The following MYH15 variants were observed in gnomAD, a reference collection of about 807,000 sequenced individuals.
MYH15 encodes the protein myosin heavy chain 15.
In MYH15, 227 loss-of-function variants were observed where a neutral mutation model predicts 240.5. That is an observed-to-expected ratio of 0.94 (90% CI 0.85 to 1.05). The LOEUF (loss-of-function observed/expected upper bound fraction) is 1.05. MYH15 is among the 50% of genes least tolerant of loss of function. The pLI is 0.00. For synonymous variants in MYH15, 785 were observed against 796.7 expected, an observed-to-expected ratio of 0.99 and a Z score of 0.25; for missense variants, 2,217 against 2,247.5, an observed-to-expected ratio of 0.99 and a Z score of 0.27.
intron 27 of MYH15, among the ~76,000 whole-genome samples, chr3:108,424,484 C>A (rs970768691): frequency 4.6e-5 from 7 of 152,030 alleles, no homozygotes; most frequent in African/African-American, 1.7e-4. Flanking sequence ...GTTTTGATAC[C>A]AGGGATGAGA....
chr3:108,466,502 A>C (rs1363446091), intron 14 of MYH15, among the ~76,000 whole-genome samples: 2 of 152,158 alleles, frequency 1.3e-5, no homozygotes, highest in African/African-American at 4.8e-5. Context: ...ACATCTGGGA[A>C]AAACCAGGAG....
At chr3:108,492,448 A>G (rs576579058) in intron 9 of MYH15, 52 bp downstream of exon 9, 2 of 1,336,616 alleles carry the variant, frequency 1.5e-6, no homozygotes, top group African/African-American at 1.5e-5. Flanking sequence ...CCCAAATATG[A>G]CTTATTTTTC....
At chr3:108,428,412 TTC>T in intron 27 of MYH15, 78 bp downstream of exon 27, 1 of 1,483,772 alleles carries the variant, frequency 6.7e-7, no homozygotes. Flanking sequence ...TGGCTTATTT[TTC>T]TTTTCCCTCC....
In MYH15 at chr3:108,444,812, A is replaced by T; in HGVS notation, c.2483T>A (p.Ile828Asn). The T allele has an allele frequency of 6.2e-7, 1 of 1,614,090 alleles. No individual in the cohort carries two copies. The highest frequency in any genetic ancestry group is 8.5e-7 in the Non-Finnish European group (1 of 1,179,978). ...TTCTGAAGATTTAACAAGAGGCTTG[A>T]TCTTGAAGAAGAGCCTCATCCAGGG... ...NWPWMRLFFK[I>N]KPLVKSSEVG... is the part of the protein sequence containing the mutation. The change falls in exon 22 of 41, where the codon ATC becomes AAC. Residue 828 changes from isoleucine to asparagine, a missense_variant. Coordinates refer to ENST00000693548, the MANE Select transcript of MYH15 (RefSeq NM_014981.3).
chr3:108,474,734 G>A (rs2083206083), intron 12 of MYH15, among the ~76,000 whole-genome samples: 1 of 152,162 alleles, frequency 6.6e-6, no homozygotes, highest in Non-Finnish European at 1.5e-5. Flanking sequence ...CATGCATGTT[G>A]TGGTGAATGT....
intron 9 of MYH15, among the ~76,000 whole-genome samples, chr3:108,490,450 C>A (rs2083337794): frequency 6.6e-6 from 1 of 152,230 alleles, no homozygotes; most frequent in South Asian, 2.1e-4. Flanking sequence ...AAATGCAATA[C>A]CTCGGAAATC....
intron 14 of MYH15, among the ~76,000 whole-genome samples, chr3:108,468,018 T>G (rs904420502): frequency 3.3e-5 from 5 of 151,714 alleles, no homozygotes; most frequent in African/African-American, 9.7e-5. Context: ...CAGGCTGGAG[T>G]GCAGTGGTGC....
At chr3:108,475,442 T>C (rs59819164) in intron 12 of MYH15, among the ~76,000 whole-genome samples, 13 of 152,310 alleles carry the variant, frequency 8.5e-5, no homozygotes, top group African/African-American at 3.1e-4. Context: ...AGCCCCTTTC[T>C]GTAGCTAAAG....
intron 3 of MYH15, 87 bp from the exon 4 acceptor site, chr3:108,500,361 T>G: frequency 5.8e-6 from 8 of 1,369,548 alleles, no homozygotes; most frequent in Non-Finnish European, 8.0e-6. Flanking sequence ...TAATATTTGC[T>G]CAAATATTAC....
At chr3:108,446,446 T>TG (rs1346640665) in intron 21 of MYH15, among the ~76,000 whole-genome samples, 1 of 152,186 alleles carries the variant, frequency 6.6e-6, no homozygotes, top group Non-Finnish European at 1.5e-5. Context: ...AGCTTACTGC[T>TG]GAAGAGGTTT....
rs1435370105 is a variant in MYH15 at position 108,510,428 on chromosome 3, C to G, written c.88+15G>C. The G allele has an allele frequency of 1.3e-6, 2 of 1,584,336 alleles. No individual in the cohort carries two copies. Among genetic ancestry groups the G allele is most frequent in the Non-Finnish European group, 1.7e-6 (2 of 1,170,378 alleles). ...AGCAAAATAAAGTGAAGCCAGCAACCACCACATGTCTCACCATCCAAGGCT... is the reference window on the plus strand; with the variant it reads ...AGCAAAATAAAGTGAAGCCAGCAACGACCACATGTCTCACCATCCAAGGCT... On this transcript the variant is annotated intron_variant, in intron 1 of 40. Transcript: ENST00000693548.
At chr3:108,398,907 C>T (rs2082483513) in intron 34 of MYH15, 67 bp from the exon 35 acceptor site, 3 of 1,490,272 alleles carry the variant, frequency 2.0e-6, no homozygotes, top group Non-Finnish European at 2.8e-6. Context: ...TGCACCTACA[C>T]ATGCATGATC....
rs765605799 is a variant in MYH15, at chr3:108,448,217, GT to G, written c.2400-3323del. On this transcript the variant is annotated intron_variant, in intron 21 of 40. Coordinates refer to ENST00000693548, the MANE Select transcript of MYH15 (RefSeq NM_014981.3). ...CAGAAAGAAACAATTTTTTTAAAAA[GT>G]TGTAAAACAATTAACAAAATGGCAG... Among the ~76,000 whole-genome samples the G allele has an allele frequency of 5.9e-5, 9 of 151,940 alleles. No homozygotes were observed. In the East Asian group the frequency reaches 1.7e-3, roughly 29 times the overall value.
At chr3:108,525,536 G>A (rs544068920) in intron 1 of MYH15, among the ~76,000 whole-genome samples, 3 of 152,092 alleles carry the variant, frequency 2.0e-5, no homozygotes, top group East Asian at 1.9e-4. Context: ...AACTTCCCTC[G>A]TGAACCTGGT....
intron 39 of MYH15, among the ~76,000 whole-genome samples, chr3:108,384,155 G>A (rs2082364788): frequency 6.6e-6 from 1 of 152,118 alleles, no homozygotes; most frequent in African/African-American, 2.4e-5. Flanking sequence ...CCAAATCATT[G>A]AAATAATCAA....
the MYH15 span, among the ~76,000 whole-genome samples, chr3:108,548,607 T>C: frequency 2.0e-5 from 3 of 152,076 alleles, no homozygotes; most frequent in Admixed American, 6.6e-5. Flanking sequence ...TTGCTAAATC[T>C]TGCAAAGGAT....
chr3:108,490,896 TTTC>T (rs1277362475), intron 9 of MYH15, among the ~76,000 whole-genome samples: 1 of 152,094 alleles, frequency 6.6e-6, no homozygotes, highest in Non-Finnish European at 1.5e-5. Context: ...GTTTTTTTTT[TTTC>T]TTTTTTGAGA....
the MYH15 span, among the ~76,000 whole-genome samples, chr3:108,541,913 T>C: frequency 5.9e-5 from 9 of 152,290 alleles, no homozygotes; most frequent in East Asian, 1.5e-3. Flanking sequence ...CTTGCATTTC[T>C]GTAGCCCACC....
intron 1 of MYH15, among the ~76,000 whole-genome samples, chr3:108,522,234 C>G (rs1042692728): frequency 1.3e-4 from 19 of 151,944 alleles, no homozygotes; most frequent in Middle Eastern, 6.8e-3. Flanking sequence ...CAAAAAAATC[C>G]CAAGAAAGGG....
Sources: gnomAD v4.1 joint callset for allele counts (sites outside exome capture counted in the v4.1 genomes callset) on GRCh38, gnomAD v4.1.1 for gene constraint, MANE v1.5 for transcripts, NCBI Gene and HGNC (gene_info 2026-07-23, HGNC 2026-07-21) for gene names.